BBS12: variants seen among roughly 807,000 people sequenced by gnomAD.
BBS12 encodes chaperonin-containing T-complex member BBS12.
BBS12 carries 5 observed loss-of-function variants against 5.6 expected under a neutral mutation model. The observed-to-expected ratio is 0.89, with a 90% confidence interval of 0.46 to 1.86. The LOEUF (loss-of-function observed/expected upper bound fraction) is 1.86, where lower values mean the gene tolerates loss of function less well. BBS12 is among the 40% of genes most tolerant of loss of function. BBS12 has a pLI of 0.01. For synonymous variants in BBS12, 308 were observed against 306.8 expected, an observed-to-expected ratio of 1.00 and a Z score of -0.04; for missense variants, 748 against 830.4, an observed-to-expected ratio of 0.90 and a Z score of 1.22.
At chr4:122,735,279 A>C (rs1030108229) in intron 1 of BBS12, among the ~76,000 whole-genome samples, 1 of 152,230 alleles carries the variant, frequency 6.6e-6, no homozygotes, top group African/African-American at 2.4e-5. Context: ...AGTATAGCTT[A>C]GTGAAAATAA....
the BBS12 span, among the ~76,000 whole-genome samples, chr4:122,717,844 C>A: frequency 1.3e-4 from 20 of 152,248 alleles, no homozygotes; most frequent in East Asian, 1.9e-3. Context: ...CTTTTCTCCC[C>A]CTGAGAATGT....
the BBS12 span, among the ~76,000 whole-genome samples, chr4:122,703,052 A>G: frequency 6.6e-6 from 1 of 152,234 alleles, no homozygotes; most frequent in South Asian, 2.1e-4. Context: ...ATAGTCACCA[A>G]ACCAGTTACT....
chr4:122,709,919 GT>G, the BBS12 span, among the ~76,000 whole-genome samples: 7 of 152,256 alleles, frequency 4.6e-5, no homozygotes, highest in South Asian at 1.5e-3. Context: ...GCCTCCCAAA[GT>G]GCTGGGATTG....
At position 122,743,235 on chromosome 4, in the gene BBS12, C is replaced by T. The variant is rs778635548; in HGVS notation, c.1343C>T (p.Ala448Val). ...AGTGTGATGCAGGCTTTTGCAGAGG[C>T]TGCAGGAGCAGTACAGGTGGCCTAC... is the stretch of plus-strand genomic sequence containing the variant. ...NGSVMQAFAE[A>V]AGAVQVAYIT... is the part of the protein sequence containing the mutation. The change falls in exon 2 of 2, where the codon GCT (alanine) becomes GTT (valine). Residue 448 changes from alanine to valine, a missense_variant. Ala to Val is a moderately conservative substitution (Grantham distance 64). Coordinates refer to ENST00000314218, the MANE Select transcript of BBS12 (RefSeq NM_152618.3). 7 of 1,614,144 alleles carry T rather than the reference C, an allele frequency of 4.3e-6. No individual in the cohort carries two copies. The highest frequency in any genetic ancestry group is 3.3e-5 in the Admixed American group (2 of 60,022).
In BBS12 at chr4:122,742,102, CAATG is replaced by C; in HGVS notation, c.213_216del (p.Asn71LysfsTer40). On this transcript the variant is annotated frameshift_variant, in exon 2 of 2. Coordinates refer to ENST00000314218, the MANE Select transcript of BBS12 (RefSeq NM_152618.3). LOFTEE classifies it low-confidence loss of function (END_TRUNC). ...TAACCAGTGCAGTGGGACAACTTCT[CAATG>C]AAGCAGTTCAAGCACAAAACAACAC... 1 of 1,614,142 alleles carries C rather than the reference CAATG, an allele frequency of 6.2e-7. No individual in the cohort carries two copies. The highest frequency in any genetic ancestry group is 8.5e-7 in the Non-Finnish European group (1 of 1,180,026).
chr4:122,716,644 C>CA, the BBS12 span, among the ~76,000 whole-genome samples: 1 of 95,228 alleles, frequency 1.1e-5, no homozygotes, highest in Non-Finnish European at 2.5e-5. Context: ...TATATACACA[C>CA]GTGTGTGTAT....
rs7665271 is a variant in BBS12, at chr4:122,743,178, G to A, written c.1286G>A (p.Ser429Asn). ...CGCTTAATTGAAAAATGTATAAACA[G>A]TAAGCGGTTGGTAATCGGCTCAGTG... ...SERLIEKCIN[S>N]KRLVIGSVNG... The change falls in exon 2 of 2, where the codon AGT becomes AAT. Residue 429 changes from serine (S) to asparagine (N), a missense_variant. Ser to Asn is a conservative substitution (Grantham distance 46). Transcript: ENST00000314218. 6.2e-7 allele frequency: 1 copy of A among 1,614,148 alleles called. No individual in the cohort carries two copies. The highest frequency in any genetic ancestry group is 8.5e-7 in the Non-Finnish European group (1 of 1,180,034).
chr4:122,727,794 C>CG (rs1800643698), upstream of BBS12, among the ~76,000 whole-genome samples: 3 of 151,918 alleles, frequency 2.0e-5, no homozygotes, highest in South Asian at 6.2e-4. Flanking sequence ...CTGCCTCCCT[C>CG]GGCCTCCCAA....
In BBS12 at chr4:122,742,098, T is replaced by G. The variant is rs1307004555; in HGVS notation, c.206T>G (p.Leu69Arg). The G allele has an allele frequency of 1.2e-6, 2 of 1,614,184 alleles. No individual in the cohort carries two copies. The highest frequency in any genetic ancestry group is 2.2e-5 in the South Asian group (2 of 91,084). Residue 69 changes from leucine to arginine, a missense_variant, in exon 2 of 2, where the codon CTT (leucine) becomes CGT (arginine). Coordinates refer to ENST00000314218, the MANE Select transcript of BBS12 (RefSeq NM_152618.3). ...SLDLTSAVGQ[L>R]LNEAVQAQNN... ...GATTTAACCAGTGCAGTGGGACAAC[T>G]TCTCAATGAAGCAGTTCAAGCACAA... is the stretch of plus-strand genomic sequence containing the variant.
At chr4:122,708,834 AT>A in the BBS12 span, among the ~76,000 whole-genome samples, 1 of 151,508 alleles carries the variant, frequency 6.6e-6, no homozygotes, top group Non-Finnish European at 1.5e-5. Context: ...ATTAATAATA[AT>A]TTTTAAAAAT....
chr4:122,730,357 G>A (rs1431773936), upstream of BBS12: 1 of 152,062 alleles, frequency 6.6e-6, no homozygotes, highest in Non-Finnish European at 1.5e-5. Context: ...ATTATGTTTT[G>A]TTTCTTGATG....
At chr4:122,721,224 G>A in the BBS12 span, among the ~76,000 whole-genome samples, 3 of 152,088 alleles carry the variant, frequency 2.0e-5, no homozygotes, top group Non-Finnish European at 2.9e-5. Context: ...AATTATCCCA[G>A]ATGGAACAAC....
intron 1 of BBS12, among the ~76,000 whole-genome samples, chr4:122,735,001 A>C (rs1235948698): frequency 6.6e-6 from 1 of 152,228 alleles, no homozygotes; most frequent in African/African-American, 2.4e-5. Context: ...TTCGAAAGAA[A>C]TAAAAATAGA....
chr4:122,743,098 G>A lies in BBS12; in HGVS notation c.1206G>A (p.Gln402=). The A allele has an allele frequency of 6.2e-7, 1 of 1,614,252 alleles. No individual in the cohort carries two copies. The highest frequency in any genetic ancestry group is 8.5e-7 in the Non-Finnish European group (1 of 1,180,048). The part of the protein sequence containing the change: ...SEELWANHVL[Q]VLIQFKVNLV... The stretch of plus-strand genomic sequence containing the variant: ...AACTGTGGGCAAATCACGTGTTACA[G>A]GTGTTAATCCAGTTCAAGGTGAACC... The change falls in exon 2 of 2, where the codon CAG becomes CAA. Residue 402 remains glutamine (Q), a synonymous_variant. Coordinates refer to ENST00000314218, the MANE Select transcript of BBS12 (RefSeq NM_152618.3).
the BBS12 span, among the ~76,000 whole-genome samples, chr4:122,723,360 C>T: frequency 6.6e-6 from 1 of 152,108 alleles, no homozygotes; most frequent in Non-Finnish European, 1.5e-5. Flanking sequence ...ATTATTTGGG[C>T]CTAGAGTTTT....
chr4:122,723,832 T>C, the BBS12 span, among the ~76,000 whole-genome samples: 1 of 152,158 alleles, frequency 6.6e-6, no homozygotes, highest in African/African-American at 2.4e-5. Flanking sequence ...CTCTCATTGG[T>C]GAACTAAAGT....
chr4:122,735,477 T>C (rs1457919043), intron 1 of BBS12, among the ~76,000 whole-genome samples: 2 of 152,198 alleles, frequency 1.3e-5, no homozygotes, highest in Non-Finnish European at 2.9e-5. Flanking sequence ...TCAGTGCTAA[T>C]TCTGACCACC....
chr4:122,730,051 G>A (rs1800678573), upstream of BBS12: 1 of 152,154 alleles, frequency 6.6e-6, no homozygotes, highest in Admixed American at 6.5e-5. Flanking sequence ...AGGGAAATAT[G>A]GGTGATGTAA....
At chr4:122,736,269 T>G (rs1243115063) in intron 1 of BBS12, among the ~76,000 whole-genome samples, 7 of 152,186 alleles carry the variant, frequency 4.6e-5, no homozygotes, top group African/African-American at 1.2e-4. Flanking sequence ...AAGGGACTCC[T>G]GTGTCAAAGG....
Sources: allele counts gnomAD v4.1 joint callset (sites outside exome capture counted in the v4.1 genomes callset), GRCh38; gene constraint gnomAD v4.1.1; transcripts MANE v1.5; gene names NCBI Gene and HGNC (gene_info 2026-07-23, HGNC 2026-07-21).